Variants in ATP5MF observed in about 807,000 individuals in gnomAD.
ATP5MF encodes ATP synthase membrane subunit f, also known as ATP synthase F(0) complex subunit f, mitochondrial.
ATP5MF carries 10 observed loss-of-function variants against 13.8 expected under a neutral mutation model. The observed-to-expected ratio is 0.72, with a 90% CI of 0.45 to 1.23. The LOEUF is 1.23. Among genes scored for constraint, ATP5MF ranks in the 50% most tolerant of loss-of-function variants. The pLI is 0.00. For synonymous variants in ATP5MF, 40 were observed against 45.8 expected (o/e 0.87, Z 0.51); for missense variants, 122 against 118.2 (o/e 1.03, Z -0.15).
intron 3 of ATP5MF, 56 bp downstream of exon 3, chr7:99,459,091 C>T: frequency 7.4e-7 from 1 of 1,353,178 alleles, no homozygotes; most frequent in Admixed American, 1.7e-5. Context: ...CTAATGAAAT[C>T]AGTCACCACC....
rs1798521894 is a variant in ATP5MF at position 99,459,916 on chromosome 7, G to A, written c.139+170C>T. ...ATATCTCAGAGCCAGCCTTTGAAAGGGCCAATCAACCACAGAAGTCCAAGG... is the reference window on the plus strand; with the variant it reads ...ATATCTCAGAGCCAGCCTTTGAAAGAGCCAATCAACCACAGAAGTCCAAGG... On this transcript the variant is annotated intron_variant, in intron 2 of 3. Transcript: ENST00000292475. 5 of 708,006 alleles carry A rather than the reference G, an allele frequency of 7.1e-6. No individual in the cohort carries two copies. In the East Asian group the frequency reaches 1.1e-4, roughly 15 times the overall value. The allele number at this position is 708,006 out of a possible 1,614,324, so 43.9% of individuals were successfully genotyped here.
At chr7:99,464,533 G>T (rs567412513) in intron 1 of ATP5MF, among the ~76,000 whole-genome samples, 52 of 152,204 alleles carry the variant, frequency 3.4e-4, no homozygotes, top group African/African-American at 1.2e-3. Flanking sequence ...CGGGGTGGCG[G>T]GCGCCTGTAG....
intron 1 of ATP5MF, chr7:99,460,657 CCCT>C (rs1471890728): frequency 5.0e-6 from 2 of 399,050 alleles, no homozygotes; most frequent in East Asian, 1.4e-4. Flanking sequence ...TCAGGACTGG[CCCT>C]CCTATGTCCC....
chr7:99,466,118 C>A lies in ATP5MF; in HGVS notation c.24G>T (p.Pro8=). MASVGEC[P]APVPVKDKKL... is the part of the protein sequence containing the mutation. ...GAGTCCAAACAGCCTTACCTGGGGCCGGACACTCACCAACTGACGCCATTT... is the reference window on the plus strand; with the variant it reads ...GAGTCCAAACAGCCTTACCTGGGGCAGGACACTCACCAACTGACGCCATTT... Residue 8 remains proline, a synonymous_variant, in exon 1 of 4, where the codon CCG becomes CCT. Coordinates refer to ENST00000292475, the MANE Select transcript of ATP5MF (RefSeq NM_004889.5). The A allele has an allele frequency of 6.2e-7, 1 of 1,614,166 alleles. No homozygotes were observed. The highest frequency in any genetic ancestry group is 8.5e-7 in the Non-Finnish European group (1 of 1,180,028).
intron 1 of ATP5MF, among the ~76,000 whole-genome samples, chr7:99,462,587 C>T (rs1361720598): frequency 6.6e-6 from 1 of 151,924 alleles, no homozygotes; most frequent in Non-Finnish European, 1.5e-5. Context: ...CCAGCCTGGC[C>T]AACATAGTGA....
chr7:99,461,343 G>T (rs1009748148), intron 1 of ATP5MF, among the ~76,000 whole-genome samples: 2 of 152,104 alleles, frequency 1.3e-5, no homozygotes, highest in African/African-American at 4.8e-5. Context: ...CTGAACAGCT[G>T]GGACTACAGG....
rs1584533602 is a variant in ATP5MF at position 99,462,753 on chromosome 7, G to T, written c.32-2560C>A. Among the ~76,000 whole-genome samples, 3 of 152,188 alleles carry T rather than the reference G, an allele frequency of 2.0e-5. No individual in the cohort carries two copies. In the East Asian group the frequency reaches 5.8e-4, roughly 29 times the overall value. ...TCGTGCCACTGCAAGGGACTATCCA[G>T]TTCATCCAAGATGCATCTATACTTA... On this transcript the variant is annotated intron_variant, in intron 1 of 3. Transcript: ENST00000292475.
At chr7:99,459,998 C>T (rs112721137) in intron 2 of ATP5MF, 88 bp downstream of exon 2, 41 of 1,459,596 alleles carry the variant, frequency 2.8e-5, no homozygotes, top group African/African-American at 1.3e-4. Flanking sequence ...ACAACAAGGC[C>T]TTCATTGCCC....
chr7:99,460,879 A>T (rs1390425484), intron 1 of ATP5MF, among the ~76,000 whole-genome samples: 1 of 152,230 alleles, frequency 6.6e-6, no homozygotes, highest in African/African-American at 2.4e-5. Flanking sequence ...AAGTATAATG[A>T]AAGAAACCCA....
intron 1 of ATP5MF, among the ~76,000 whole-genome samples, chr7:99,461,651 C>T (rs375245266): frequency 1.2e-4 from 18 of 151,436 alleles, no homozygotes; most frequent in African/African-American, 4.3e-4. Context: ...TGAGACCAGC[C>T]TGGCCAACAT....
At chr7:99,465,237 C>T (rs894778028) in intron 1 of ATP5MF, among the ~76,000 whole-genome samples, 1 of 151,678 alleles carries the variant, frequency 6.6e-6, no homozygotes, top group Non-Finnish European at 1.5e-5. Context: ...CCACCCTGGG[C>T]GACAAGAGCG....
Position 99,460,861 on chromosome 7 carries a change from G to A in ATP5MF, c.32-668C>T, listed in dbSNP as rs143955838. On this transcript the variant is annotated intron_variant, in intron 1 of 3. Transcript: ENST00000292475. ...GCTGGCAGACTCACCAGATGGGCCA[G>A]CCCGAGCAAGTATAATGAAAGAAAC... Among the ~76,000 whole-genome samples the A allele has an allele frequency of 5.9e-3, 891 of 152,300 alleles. 8 individuals carry two copies. Among genetic ancestry groups the A allele is most frequent in the Middle Eastern group, 0.017 (5 of 294 alleles).
intron 2 of ATP5MF, 141 bp from the exon 3 acceptor site, chr7:99,459,404 T>A: frequency 1.5e-6 from 1 of 665,822 alleles, no homozygotes. Flanking sequence ...CACTGGCTGA[T>A]AAAGATGACA....
chr7:99,458,909 C>A (rs1177372445), intron 3 of ATP5MF: 2 of 516,358 alleles, frequency 3.9e-6, no homozygotes, highest in Non-Finnish European at 7.0e-6. Flanking sequence ...TAAGTACTCT[C>A]TTTACCCTGG....
chr7:99,460,200 C>CG lies in ATP5MF; in HGVS notation c.32-8dup, dbSNP rs1562871518. On this transcript the variant is annotated splice_polypyrimidine_tract_variant and splice_region_variant and intron_variant, in intron 1 of 3. Transcript: ENST00000292475. The stretch of plus-strand genomic sequence containing the variant: ...TTCTTGTCCTTCACTGGTACTGAAA[C>CG]GGAAGAGTGAGAAAAAATACCCACT... 6.2e-7 allele frequency: 1 copy of CG among 1,613,034 alleles called. No individual in the cohort carries two copies. Among genetic ancestry groups the CG allele is most frequent in the Non-Finnish European group, 8.5e-7 (1 of 1,179,784 alleles).
At chr7:99,459,321 G>A in intron 2 of ATP5MF, 58 bp from the exon 3 acceptor site, 2 of 1,294,592 alleles carry the variant, frequency 1.5e-6, no homozygotes, top group Non-Finnish European at 2.2e-6. Context: ...GTGAAGTTGA[G>A]CACACAGTTG....
chr7:99,458,544 C>A (rs540158433), intron 3 of ATP5MF, among the ~76,000 whole-genome samples, 189 bp from the exon 4 acceptor site: 1 of 152,174 alleles, frequency 6.6e-6, no homozygotes, highest in African/African-American at 2.4e-5. Context: ...CAGGAGCCAA[C>A]CTGCCACCTG....
chr7:99,464,270 G>C (rs1472650102), intron 1 of ATP5MF, among the ~76,000 whole-genome samples: 1 of 152,250 alleles, frequency 6.6e-6, no homozygotes, highest in Non-Finnish European at 1.5e-5. Flanking sequence ...CAACTACCGT[G>C]TACGACGAAT....
intron 1 of ATP5MF, chr7:99,460,446 G>C (rs973651272): frequency 2.9e-6 from 2 of 688,468 alleles, no homozygotes; most frequent in African/African-American, 3.5e-5. Flanking sequence ...AGCTTGCTGG[G>C]AGTAACTCCA....
Sources: gnomAD v4.1 joint callset for allele counts (sites outside exome capture counted in the v4.1 genomes callset) on GRCh38, gnomAD v4.1.1 for gene constraint, MANE v1.5 for transcripts, NCBI Gene and HGNC (gene_info 2026-07-23, HGNC 2026-07-21) for gene names.